NR3C1: variants seen among roughly 807,000 people sequenced by gnomAD.
NR3C1 encodes glucocorticoid receptor.
Under a neutral mutation model 74.0 loss-of-function variants are expected in NR3C1, and 14 were observed. The ratio of observed to expected loss-of-function variants is 0.19; its 90% CI spans 0.12 to 0.30. NR3C1 has a LOEUF of 0.30. Ranked by LOEUF, NR3C1 falls within the 10% of genes least tolerant of loss-of-function variation. The probability of loss-of-function intolerance (pLI) is 1.00; values close to 1 mark genes in which losing one functional copy is unlikely to be tolerated. For missense variants in NR3C1, 695 were observed against 909.8 expected, an observed-to-expected ratio of 0.76 and a Z score of 3.04; for synonymous variants, 308 against 332.5, an observed-to-expected ratio of 0.93 and a Z score of 0.80.
In NR3C1 at chr5:143,391,218, G is replaced by A. The variant is rs150782272; in HGVS notation, c.1184+8438C>T. ...GGTATGTTTACCAATTTAAACTGCCGTTTAATAATTCTATGCTTTCCTCTG... is the reference window on the plus strand; with the variant it reads ...GGTATGTTTACCAATTTAAACTGCCATTTAATAATTCTATGCTTTCCTCTG... On this transcript the variant is annotated intron_variant, in intron 2 of 8. Transcript: ENST00000394464. Among the ~76,000 whole-genome samples, 359 of 152,210 alleles carry A rather than the reference G, an allele frequency of 2.4e-3. 1 individual carries two copies. Among genetic ancestry groups the A allele is most frequent in the African/African-American group, 8.0e-3 (334 of 41,530 alleles).
At chr5:143,356,056 A>T (rs1050719797) in intron 2 of NR3C1, among the ~76,000 whole-genome samples, 1 of 152,196 alleles carries the variant, frequency 6.6e-6, no homozygotes, top group African/African-American at 2.4e-5. Flanking sequence ...TAAGTTTATT[A>T]AATTGTTACA....
intron 1 of NR3C1, among the ~76,000 whole-genome samples, chr5:143,430,107 A>G (rs896353801): frequency 6.6e-6 from 1 of 151,804 alleles, no homozygotes. Context: ...AAAGAAAAGA[A>G]AAAGAAAAAG....
At chr5:143,323,173 C>G (rs191869873) in intron 2 of NR3C1, among the ~76,000 whole-genome samples, 279 of 152,306 alleles carry the variant, frequency 1.8e-3, no homozygotes, top group African/African-American at 6.4e-3. Flanking sequence ...GGAGACGCTC[C>G]CTGCCGGTTA....
At chr5:143,420,814 C>T (rs13178409) in intron 1 of NR3C1, among the ~76,000 whole-genome samples, 2,086 of 152,180 alleles carry the variant, frequency 0.014, 55 homozygotes, top group African/African-American at 0.048. Context: ...TTGGGAAACA[C>T]GGTAAAACCA....
At chr5:143,283,494 A>C (rs1255519083) in intron 7 of NR3C1, among the ~76,000 whole-genome samples, 1 of 152,192 alleles carries the variant, frequency 6.6e-6, no homozygotes, top group Non-Finnish European at 1.5e-5. Context: ...TAGTACTGAG[A>C]TAGATAGAAG....
At chr5:143,286,203 T>C (rs1315200880) in intron 7 of NR3C1, among the ~76,000 whole-genome samples, 2 of 152,162 alleles carry the variant, frequency 1.3e-5, no homozygotes, top group Non-Finnish European at 2.9e-5. Flanking sequence ...GATGAACTTG[T>C]ACTTGAAAAC....
chr5:143,428,016 T>G (rs1333124728), intron 1 of NR3C1, among the ~76,000 whole-genome samples: 2 of 152,242 alleles, frequency 1.3e-5, no homozygotes, highest in African/African-American at 4.8e-5. Flanking sequence ...GCTTCTCACA[T>G]GTGGCAATTA....
Position 143,279,726 on chromosome 5 carries a change from C to T in NR3C1, c.*2163G>A, listed in dbSNP as rs966622667. 1.2e-5 allele frequency: 3 copies of T among 249,584 alleles called. No individual in the cohort carries two copies. The highest frequency in any genetic ancestry group is 4.6e-5 in the African/African-American group (2 of 43,748). The allele number at this position is 249,584 out of a possible 1,614,324, so 15.5% of individuals were successfully genotyped here. On this transcript the variant is annotated 3_prime_UTR_variant, in exon 9 of 9. Transcript: ENST00000394464. ...TAGAAAGGAATTAGTGTATTATTGG[C>T]AACCTATGAGATTCTGCACTATTTA...
chr5:143,349,812 C>T (rs761953355), intron 2 of NR3C1, among the ~76,000 whole-genome samples: 8 of 152,072 alleles, frequency 5.3e-5, no homozygotes, highest in Non-Finnish European at 1.2e-4. Context: ...GCTGTAGAGA[C>T]GAGTACACAG....
At chr5:143,371,726 A>C (rs191651478) in intron 2 of NR3C1, among the ~76,000 whole-genome samples, 58 of 152,332 alleles carry the variant, frequency 3.8e-4, no homozygotes, top group Admixed American at 7.2e-4. Context: ...CCTTTCTTTC[A>C]GAGTTATTGT....
At chr5:143,407,572 A>G (rs1166107687), upstream of NR3C1, among the ~76,000 whole-genome samples, 1 of 152,250 alleles carries the variant, frequency 6.6e-6, no homozygotes, top group Non-Finnish European at 1.5e-5. Flanking sequence ...CCCCTGTATC[A>G]CTAGTGCATA....
At chr5:143,318,946 T>A (rs1293629656) in intron 2 of NR3C1, among the ~76,000 whole-genome samples, 1 of 152,204 alleles carries the variant, frequency 6.6e-6, no homozygotes, top group Non-Finnish European at 1.5e-5. Flanking sequence ...AACTACTGTA[T>A]ACTAAGATGC....
At chr5:143,295,636 T>TC (rs34523349) in intron 6 of NR3C1, 46 bp from the exon 7 acceptor site, 3 of 1,531,400 alleles carry the variant, frequency 2.0e-6, no homozygotes, top group Non-Finnish European at 2.7e-6. Flanking sequence ...TACTGCTACT[T>TC]CCCCCCAAAA....
chr5:143,399,376 ATC>A (rs1002530075), intron 2 of NR3C1, among the ~76,000 whole-genome samples: 3 of 152,214 alleles, frequency 2.0e-5, no homozygotes, highest in Non-Finnish European at 4.4e-5. Context: ...TCGTTAAGAT[ATC>A]TGTTAATGAG....
chr5:143,282,698 T>C lies in NR3C1; in HGVS notation c.2051A>G (p.Glu684Gly). Reference protein sequence around the residue: ...SVPKDGLKSQELFDEIRMTYI... With the variant: ...SVPKDGLKSQGLFDEIRMTYI... Reference sequence around the variant, plus strand: ...GGTCATTCTAATTTCATCAAATAGCTCTTGGCTCTTCAGACCGTCCTTAGG... The same window carrying C: ...GGTCATTCTAATTTCATCAAATAGCCCTTGGCTCTTCAGACCGTCCTTAGG... Residue 684 changes from glutamate to glycine, a missense_variant, in exon 8 of 9, where the codon GAG becomes GGG. Physicochemically the swap from Glu to Gly is moderately conservative, Grantham distance 98 (BLOSUM62 -2). Coordinates refer to ENST00000394464, the MANE Select transcript of NR3C1 (RefSeq NM_000176.3). 6.2e-7 allele frequency: 1 copy of C among 1,613,984 alleles called. No homozygotes were observed. Among genetic ancestry groups the C allele is most frequent in the African/African-American group, 1.3e-5 (1 of 75,028 alleles).
chr5:143,287,783 T>C (rs1314437495), intron 7 of NR3C1, among the ~76,000 whole-genome samples: 1 of 152,260 alleles, frequency 6.6e-6, no homozygotes, highest in Non-Finnish European at 1.5e-5. Flanking sequence ...ATTCAAAATA[T>C]ATATGGAAAA....
At chr5:143,393,102 G>A (rs1838577026) in intron 2 of NR3C1, among the ~76,000 whole-genome samples, 1 of 152,072 alleles carries the variant, frequency 6.6e-6, no homozygotes, top group Admixed American at 6.5e-5. Flanking sequence ...TAGAAAACAA[G>A]CTCTGAGAAC....
At chr5:143,434,460 T>A in intron 1 of NR3C1, 1 of 828,312 alleles carries the variant, frequency 1.2e-6, no homozygotes, top group Non-Finnish European at 1.5e-6. Context: ...GACCTCTGAG[T>A]GACCTTTAAC....
intron 7 of NR3C1, among the ~76,000 whole-genome samples, chr5:143,291,163 T>C (rs1428655414): frequency 3.3e-5 from 5 of 152,200 alleles, no homozygotes; most frequent in Non-Finnish European, 7.3e-5. Context: ...AAATGTCAGT[T>C]TAAATGTATC....
Sources: gnomAD v4.1 joint callset for allele counts (sites outside exome capture counted in the v4.1 genomes callset) on GRCh38, gnomAD v4.1.1 for gene constraint, MANE v1.5 for transcripts, NCBI Gene and HGNC (gene_info 2026-07-23, HGNC 2026-07-21) for gene names.